XPNPEP2: variants seen among roughly 807,000 people sequenced by gnomAD.
The protein encoded by XPNPEP2 is xaa-Pro aminopeptidase 2.
XPNPEP2 carries 64 observed loss-of-function variants against 59.8 expected under a neutral mutation model. That is an observed-to-expected ratio of 1.07 (90% confidence interval 0.87 to 1.32). The LOEUF (loss-of-function observed/expected upper bound fraction) is 1.32. Among genes scored for constraint, XPNPEP2 ranks in the 40% most tolerant of loss-of-function variants. The pLI, the probability that XPNPEP2 is intolerant of heterozygous loss-of-function variation, is 0.00. For synonymous variants in XPNPEP2, 235 were observed against 210.0 expected (o/e 1.12, Z -1.03); for missense variants, 575 against 546.8 (o/e 1.05, Z -0.51).
chrX:129,752,138 C>T lies in XPNPEP2; in HGVS notation c.822-12C>T. On this transcript the variant is annotated splice_polypyrimidine_tract_variant and intron_variant, in intron 9 of 20. Transcript: ENST00000371106. ...ATGCTCAGGACCCTCCTTGTCTTCC[C>T]ACCCCACCCAGGTTGTTTGCAAACA... The T allele has an allele frequency of 8.3e-7, 1 of 1,207,167 alleles. No homozygotes were observed. Among genetic ancestry groups the T allele is most frequent in the Non-Finnish European group, 1.1e-6 (1 of 892,697 alleles).
chrX:129,739,148 C>T lies in XPNPEP2; in HGVS notation c.-66C>T, dbSNP rs1219270266. On this transcript the variant is annotated 5_prime_UTR_variant, in exon 1 of 21. Transcript: ENST00000371106. The stretch of plus-strand genomic sequence containing the variant: ...CCAGGAAAGGCCTGAAGGAAGAGGC[C>T]GGGGAAAGAGCCCTCCCTCTCTCCC... The T allele has an allele frequency of 4.5e-6, 5 of 1,114,945 alleles. No homozygotes were observed. The African/African-American group carries it at 5.4e-5, about 12-fold the overall frequency. The allele number at this position is 1,114,945 out of a possible 1,213,427, so 91.9% of individuals were successfully genotyped here.
chrX:129,761,113 C>A, intron 16 of XPNPEP2, 59 bp from the exon 17 acceptor site: 1 of 1,120,235 alleles, frequency 8.9e-7, no homozygotes, highest in Non-Finnish European at 1.2e-6. Flanking sequence ...CAAGAAGGGG[C>A]AAGGTGGACA....
intron 7 of XPNPEP2, among the ~76,000 whole-genome samples, chrX:129,749,269 G>T (rs1926352282): frequency 8.9e-6 from 1 of 111,988 alleles, no homozygotes. Context: ...ACTCCTTAGT[G>T]AGTACAGGGT....
intron 2 of XPNPEP2, among the ~76,000 whole-genome samples, chrX:129,742,660 G>A (rs1369408472): frequency 1.8e-5 from 2 of 110,833 alleles, no homozygotes; most frequent in Admixed American, 9.5e-5. Context: ...CCAGCACTTT[G>A]GGAGACCGAG....
Position 129,750,477 on chromosome X carries a change from G to A in XPNPEP2, c.647G>A (p.Trp216Ter). ...GCTCCTTTGCTTCTAGGGAGCACTT[G>A]GCAGGAGAAAGTATCTGGCGTCCGA... The part of the protein sequence containing the change: ...ALQEAFTGST[W>*]QEKVSGVRSQ... Residue 216 changes from tryptophan to a stop codon, truncating the protein, a stop_gained, in exon 8 of 21, where the codon TGG (tryptophan) becomes TAG (stop). Transcript: ENST00000371106. LOFTEE classifies it high-confidence loss of function. 1 of 1,194,814 alleles carries A rather than the reference G, an allele frequency of 8.4e-7. No homozygotes were observed. Among genetic ancestry groups the A allele is most frequent in the Non-Finnish European group, 1.1e-6 (1 of 886,691 alleles).
At chrX:129,740,809 G>A (rs1242336524) in intron 1 of XPNPEP2, among the ~76,000 whole-genome samples, 1 of 107,853 alleles carries the variant, frequency 9.3e-6, no homozygotes, top group Non-Finnish European at 1.9e-5. Context: ...GGTGTGGTGG[G>A]TGCATGCCTG....
intron 19 of XPNPEP2, among the ~76,000 whole-genome samples, chrX:129,765,916 C>T (rs1482349410): frequency 2.7e-5 from 3 of 111,901 alleles, no homozygotes; most frequent in Non-Finnish European, 3.8e-5. Flanking sequence ...GGATTACAGG[C>T]GTGAGCCACC....
rs769016610 is a variant in XPNPEP2, at chrX:129,746,284, G to A, written c.347G>A (p.Arg116His). ...MKKAAVWTDSRYWTQAERQMD... is the reference protein window; with the variant it reads ...MKKAAVWTDSHYWTQAERQMD... ...AAAGCAGCTGTCTGGACCGACAGTC[G>A]CTACTGGACTCAGGCTGAGCGGCAG... Residue 116 changes from arginine (R) to histidine (H), a missense_variant, in exon 5 of 21, where the codon CGC becomes CAC. Coordinates refer to ENST00000371106, the MANE Select transcript of XPNPEP2 (RefSeq NM_003399.6). The A allele has an allele frequency of 4.1e-5, 50 of 1,209,740 alleles. No homozygotes were observed. Among genetic ancestry groups the A allele is most frequent in the African/African-American group, 8.7e-5 (5 of 57,272 alleles).
chrX:129,753,144 C>T lies in XPNPEP2; in HGVS notation c.1018-15C>T, dbSNP rs747656570. The T allele has an allele frequency of 1.3e-5, 16 of 1,206,419 alleles. No individual in the cohort carries two copies. In the South Asian group the frequency reaches 2.5e-4, roughly 19 times the overall value. On this transcript the variant is annotated splice_polypyrimidine_tract_variant and intron_variant, in intron 10 of 20. Transcript: ENST00000371106. ...GTGCCCCCAGACCTCCTTTTCTCCTCCCTGCCCCCAACAGGAGAAACTCGT... is the reference window on the plus strand; with the variant it reads ...GTGCCCCCAGACCTCCTTTTCTCCTTCCTGCCCCCAACAGGAGAAACTCGT...
chrX:129,755,245 C>T (rs1481713917), intron 12 of XPNPEP2, 49 bp from the exon 13 acceptor site: 2 of 1,139,644 alleles, frequency 1.8e-6, no homozygotes, highest in Non-Finnish European at 2.4e-6. Context: ...CGGGCCCAGC[C>T]TAGTCCAGGG....
At chrX:129,757,811 G>GAAAGAAAT (rs1926558676) in intron 14 of XPNPEP2, among the ~76,000 whole-genome samples, 3 of 78,994 alleles carry the variant, frequency 3.8e-5, no homozygotes, top group Non-Finnish European at 4.9e-5. Flanking sequence ...AAGAAAGAAA[G>GAAAGAAAT]AAAGAAAGAA....
chrX:129,751,138 G>A (rs1926388197), intron 8 of XPNPEP2, among the ~76,000 whole-genome samples: 1 of 78,228 alleles, frequency 1.3e-5, no homozygotes, highest in Admixed American at 2.1e-4. Flanking sequence ...TGAGTAACAT[G>A]CAGAGGTAGA....
At chrX:129,750,444 T>G (rs986202476) in intron 7 of XPNPEP2, 24 bp from the exon 8 acceptor site, 1 of 1,165,063 alleles carries the variant, frequency 8.6e-7, no homozygotes, top group Non-Finnish European at 1.2e-6. Flanking sequence ...CACTTACACT[T>G]TTTTGGGGCT....
At chrX:129,757,913 A>C (rs5932677) in intron 14 of XPNPEP2, among the ~76,000 whole-genome samples, 1 of 82,182 alleles carries the variant, frequency 1.2e-5, no homozygotes, top group Non-Finnish European at 2.7e-5. Flanking sequence ...GAAAGAAAGA[A>C]AGAAAGAAAG....
chrX:129,762,821 T>C (rs776518373), intron 19 of XPNPEP2, 51 bp downstream of exon 19: 1 of 1,084,993 alleles, frequency 9.2e-7, no homozygotes, highest in Admixed American at 2.2e-5. Context: ...GTCAGTGACT[T>C]TGGGCTGCAT....
chrX:129,742,234 C>G (rs1266815870), intron 2 of XPNPEP2, 53 bp downstream of exon 2: 3 of 698,545 alleles, frequency 4.3e-6, no homozygotes, highest in African/African-American at 2.5e-5. Context: ...CGCACCCCCC[C>G]ACCCCTGCCC....
chrX:129,762,210 G>A (rs1448749462), intron 18 of XPNPEP2, 145 bp downstream of exon 18: 30 of 603,556 alleles, frequency 5.0e-5, no homozygotes, highest in Non-Finnish European at 7.2e-5. Context: ...CCACCGCTAC[G>A]CCCAGCCCCA....
chrX:129,750,716 A>G (rs1926376464), intron 8 of XPNPEP2, 147 bp downstream of exon 8: 1 of 490,603 alleles, frequency 2.0e-6, no homozygotes, highest in African/African-American at 2.4e-5. Context: ...GCCCGTGGGA[A>G]CCAAGAAGGG....
Position 129,739,121 on chromosome X carries a change from G to C in XPNPEP2, c.-93G>C, listed in dbSNP as rs769248532. On this transcript the variant is annotated 5_prime_UTR_variant, in exon 1 of 21. Coordinates refer to ENST00000371106, the MANE Select transcript of XPNPEP2 (RefSeq NM_003399.6). ...CAGCCCCCACCCTCTGTCTGCTCGA[G>C]CCCAGGAAAGGCCTGAAGGAAGAGG... The C allele has an allele frequency of 3.1e-6, 3 of 964,525 alleles. No individual in the cohort carries two copies. In the African/African-American group the frequency reaches 5.8e-5, roughly 19 times the overall value. 79.5% of individuals were successfully genotyped at this position (964,525 alleles called of 1,213,427 possible).
Sources: gnomAD v4.1 joint callset for allele counts (sites outside exome capture counted in the v4.1 genomes callset) on GRCh38, gnomAD v4.1.1 for gene constraint, MANE v1.5 for transcripts, NCBI Gene and HGNC (gene_info 2026-07-23, HGNC 2026-07-21) for gene names.